Variants in ATG7 observed in about 807,000 individuals in gnomAD.
ATG7 encodes the protein ubiquitin-like modifier-activating enzyme ATG7.
ATG7 carries 70 observed loss-of-function variants against 82.4 expected under a neutral mutation model. That is an observed-to-expected ratio of 0.85 (90% CI 0.70 to 1.04). ATG7 has a LOEUF of 1.04. ATG7 is among the 50% of genes least tolerant of loss of function. The pLI is 0.00. For missense variants in ATG7, 792 were observed against 864.3 expected (o/e 0.92, Z 1.05); for synonymous variants, 287 against 313.0 (o/e 0.92, Z 0.88).
At chr3:11,568,816 C>A in the ATG7 span, 10 of 1,427,206 alleles carry the variant, frequency 7.0e-6, no homozygotes, top group Non-Finnish European at 6.4e-6. The surrounding 1 kb of genome is among the most constrained non-coding windows in gnomAD (Gnocchi z 5.9). Context: ...GGCATCCCCG[C>A]GAACACCCAA....
rs551864479 is a variant in ATG7, at chr3:11,306,924, G to A, written c.216-19G>A. ...GAGTCCCAGCTGTGCCTGACTAACC[G>A]TGTTTCTCTTGTATCTAGGAGTGCT... is the stretch of plus-strand genomic sequence containing the variant. On this transcript the variant is annotated intron_variant, in intron 5 of 20. Transcript: ENST00000693202. 4.1e-5 allele frequency: 66 copies of A among 1,602,488 alleles called. No individual in the cohort carries two copies. The highest frequency in any genetic ancestry group is 3.3e-4 in the Middle Eastern group (2 of 6,038).
chr3:11,568,499 G>A, the ATG7 span: 2 of 1,461,316 alleles, frequency 1.4e-6, no homozygotes, highest in Non-Finnish European at 1.9e-6. This position sits in a 1 kb window ranked among gnomAD's most constrained non-coding sequence, Gnocchi z 5.9. Context: ...ACAGTCCGTG[G>A]AACACAGCAC....
rs1247424857 is a variant in ATG7 at position 11,443,521 on chromosome 3, G to T, written c.2079+16595G>T. Among the ~76,000 whole-genome samples, 3 of 152,150 alleles carry T rather than the reference G, an allele frequency of 2.0e-5. No individual in the cohort carries two copies. In the East Asian group the frequency reaches 5.8e-4, roughly 29 times the overall value. The stretch of plus-strand genomic sequence containing the variant: ...CCAACCTCATCCTCCTGAGTAGCTG[G>T]GGCCACAGGCATGTGTCACTATGTC... On this transcript the variant is annotated intron_variant, in intron 20 of 20. Transcript: ENST00000693202.
intron 14 of ATG7, among the ~76,000 whole-genome samples, chr3:11,356,122 A>G (rs1032498979): frequency 1.3e-5 from 2 of 152,226 alleles, no homozygotes; most frequent in East Asian, 3.8e-4. Flanking sequence ...TGGCTTATGA[A>G]GTCAGATCAG....
intron 18 of ATG7, among the ~76,000 whole-genome samples, chr3:11,375,344 G>T (rs1316040048): frequency 6.6e-6 from 1 of 152,124 alleles, no homozygotes; most frequent in Non-Finnish European, 1.5e-5. Context: ...CTTGGCAAAT[G>T]ATTTAAATAG....
intron 20 of ATG7, among the ~76,000 whole-genome samples, chr3:11,436,538 A>G (rs2083384856): frequency 6.6e-6 from 1 of 152,152 alleles, no homozygotes; most frequent in Non-Finnish European, 1.5e-5. Context: ...AGTACCAAAA[A>G]TTGTATATGT....
intron 20 of ATG7, among the ~76,000 whole-genome samples, chr3:11,476,323 A>G (rs939085316): frequency 2.0e-5 from 3 of 152,170 alleles, no homozygotes; most frequent in Non-Finnish European, 4.4e-5. Flanking sequence ...GCACAATTCT[A>G]GGAATAGCTG....
chr3:11,477,048 C>A, intron 20 of ATG7: 1 of 1,221,690 alleles, frequency 8.2e-7, no homozygotes, highest in Non-Finnish European at 1.1e-6. Context: ...GCACAATGGG[C>A]ACTTGATTAT....
chr3:11,526,710 T>C (rs1219570653), intron 20 of ATG7, among the ~76,000 whole-genome samples: 1 of 152,222 alleles, frequency 6.6e-6, no homozygotes, highest in East Asian at 1.9e-4. Context: ...TCTTGTTGTC[T>C]GTGTACCTCA....
intron 20 of ATG7, among the ~76,000 whole-genome samples, chr3:11,476,025 A>C (rs1408299257): frequency 1.3e-5 from 2 of 152,130 alleles, no homozygotes; most frequent in African/African-American, 4.8e-5. Flanking sequence ...CACAGGCTCT[A>C]GGGGTCTTTT....
intron 20 of ATG7, among the ~76,000 whole-genome samples, chr3:11,427,327 A>G (rs748742249): frequency 2.6e-5 from 4 of 152,172 alleles, no homozygotes; most frequent in Non-Finnish European, 5.9e-5. Context: ...GACTCTGGCC[A>G]TGTTCTTCAG....
the ATG7 span, among the ~76,000 whole-genome samples, chr3:11,570,628 GGC>G: frequency 6.6e-6 from 1 of 152,226 alleles, no homozygotes; most frequent in African/African-American, 2.4e-5. Context: ...CAGCGTTTGT[GGC>G]AAATGACAAG....
Position 11,313,423 on chromosome 3 carries a change from A to G in ATG7, c.528+3A>G, listed in dbSNP as rs370094457. 6.9e-6 allele frequency: 11 copies of G among 1,589,110 alleles called. No homozygotes were observed. Among genetic ancestry groups the G allele is most frequent in the African/African-American group, 1.3e-5 (1 of 74,118 alleles). ...ATCAAAGGTTTTCACTAAAACAGGT[A>G]TCAACAAATAACCAAAATGCACATA... is the stretch of plus-strand genomic sequence containing the variant. On this transcript the variant is annotated splice_donor_region_variant and intron_variant, in intron 8 of 20. Coordinates refer to ENST00000693202, the MANE Select transcript of ATG7 (RefSeq NM_001349232.2).
chr3:11,407,534 A>G (rs997448186), intron 19 of ATG7, among the ~76,000 whole-genome samples: 5 of 152,220 alleles, frequency 3.3e-5, no homozygotes, highest in East Asian at 1.9e-4. Context: ...CTCACCCCAC[A>G]TTTTCCTTCC....
intron 20 of ATG7, among the ~76,000 whole-genome samples, chr3:11,466,145 G>C (rs761462471): frequency 3.4e-4 from 52 of 152,328 alleles, no homozygotes; most frequent in Non-Finnish European, 6.5e-4. Context: ...CAGCATTGAG[G>C]CTGCTGTTCC....
chr3:11,506,185 C>G (rs897472317), intron 20 of ATG7, among the ~76,000 whole-genome samples: 2 of 152,122 alleles, frequency 1.3e-5, no homozygotes, highest in Non-Finnish European at 2.9e-5. Context: ...AAGGTATAGG[C>G]TAAGGTACTA....
At chr3:11,519,539 G>GTTTTTGTTTTTT (rs2092377331) in intron 20 of ATG7, among the ~76,000 whole-genome samples, 8 of 62,210 alleles carry the variant, frequency 1.3e-4, no homozygotes, top group South Asian at 8.9e-4. Context: ...AGTGAGAGGA[G>GTTTTTGTTTTTT]TTTTTTTTTT....
intron 20 of ATG7, chr3:11,477,180 TAAAC>T: frequency 7.8e-7 from 1 of 1,289,518 alleles, no homozygotes; most frequent in Non-Finnish European, 1.0e-6. Context: ...AGGCAGAACA[TAAAC>T]AAATGGACGG....
chr3:11,477,140 T>A, intron 20 of ATG7: 1 of 1,289,860 alleles, frequency 7.8e-7, no homozygotes, highest in Non-Finnish European at 1.0e-6. Context: ...CCAGCATCTT[T>A]GAGATCTTCG....
Sources: allele counts gnomAD v4.1 joint callset (sites outside exome capture counted in the v4.1 genomes callset), GRCh38; gene constraint gnomAD v4.1.1; non-coding constraint Gnocchi (gnomAD v3.1); transcripts MANE v1.5; gene names NCBI Gene and HGNC (gene_info 2026-07-23, HGNC 2026-07-21).